EIF2A: variants seen among roughly 807,000 people sequenced by gnomAD.
EIF2A encodes 65 kDa eukaryotic translation initiation factor 2A.
A neutral mutation model predicts 75.2 loss-of-function variants in EIF2A; 62 were observed. The observed-to-expected ratio is 0.82, with a 90% CI of 0.67 to 1.02. The LOEUF is 1.02. EIF2A is among the 50% of genes least tolerant of loss of function. The probability of loss-of-function intolerance (pLI) is 0.00; values close to 1 mark genes in which losing one functional copy is unlikely to be tolerated. For synonymous variants in EIF2A, 207 were observed against 239.0 expected, an observed-to-expected ratio of 0.87 and a Z score of 1.23; for missense variants, 611 against 677.7, an observed-to-expected ratio of 0.90 and a Z score of 1.09.
intron 2 of EIF2A, among the ~76,000 whole-genome samples, chr3:150,557,970 A>T (rs1287297301): frequency 6.6e-6 from 1 of 152,206 alleles, no homozygotes; most frequent in Non-Finnish European, 1.5e-5. Flanking sequence ...ATTCATTATC[A>T]CTGGGTGATG....
chr3:150,572,518 A>G lies in EIF2A; in HGVS notation c.1372A>G (p.Asn458Asp), dbSNP rs1724595755. The change falls in exon 10 of 14, where the codon AAT (asparagine) becomes GAT (aspartate). Residue 458 changes from asparagine to aspartate, a missense_variant. By Grantham distance (23) the Asn-to-Asp change is conservative. Transcript: ENST00000460851. ...PPALRNKPIT[N>D]SKLHEEEPPQ... is the part of the protein sequence containing the mutation. ...AGCTTTAAGAAATAAACCAATCACC[A>G]ATTCCAAATTGGTAAGTAAAGTTTT... is the stretch of plus-strand genomic sequence containing the variant. 1 of 1,599,820 alleles carries G rather than the reference A, an allele frequency of 6.3e-7. No individual in the cohort carries two copies. Among genetic ancestry groups the G allele is most frequent in the South Asian group, 1.1e-5 (1 of 88,744 alleles).
Position 150,555,554 on chromosome 3 carries a change from G to A in EIF2A, c.99-2834G>A, listed in dbSNP as rs556970487. ...ATTACAGGTGTGAGCCACCACACCC[G>A]GCCATGTATGCACATTAATGTTTGA... On this transcript the variant is annotated intron_variant, in intron 2 of 13. Coordinates refer to ENST00000460851, the MANE Select transcript of EIF2A (RefSeq NM_032025.5). Among the ~76,000 whole-genome samples the A allele has an allele frequency of 1.0e-4, 15 of 149,092 alleles. 1 individual carries two copies. The South Asian group carries it at 2.3e-3, about 23-fold the overall frequency.
chr3:150,570,562 T>A, intron 9 of EIF2A, among the ~76,000 whole-genome samples: 1 of 145,394 alleles, frequency 6.9e-6, no homozygotes, highest in Non-Finnish European at 1.5e-5. Flanking sequence ...TGAGACCATC[T>A]CTTTAAAAAA....
chr3:150,550,584 C>G (rs1401296874), intron 1 of EIF2A, among the ~76,000 whole-genome samples: 1 of 152,176 alleles, frequency 6.6e-6, no homozygotes, highest in African/African-American at 2.4e-5. Flanking sequence ...AGGTGGCTTA[C>G]AGCTGTAATC....
intron 3 of EIF2A, among the ~76,000 whole-genome samples, chr3:150,561,092 T>C (rs540755858): frequency 6.6e-6 from 1 of 152,280 alleles, no homozygotes; most frequent in East Asian, 1.9e-4. Flanking sequence ...GTCTCCTTAC[T>C]GATTTCCCTA....
intron 11 of EIF2A, among the ~76,000 whole-genome samples, chr3:150,577,400 A>G (rs907089983): frequency 2.0e-5 from 3 of 152,102 alleles, no homozygotes; most frequent in African/African-American, 7.2e-5. Context: ...GCTGGAGTGC[A>G]GAGGCATGAT....
chr3:150,556,525 G>A (rs1013806787), intron 2 of EIF2A, among the ~76,000 whole-genome samples: 2 of 152,154 alleles, frequency 1.3e-5, no homozygotes, highest in South Asian at 2.1e-4. Context: ...ATACTCACTG[G>A]TTAGAGATGC....
chr3:150,574,380 T>C (rs1241905873), intron 10 of EIF2A, among the ~76,000 whole-genome samples: 1 of 152,200 alleles, frequency 6.6e-6, no homozygotes, highest in Non-Finnish European at 1.5e-5. Context: ...GACTTGTAAC[T>C]TATCTTTTCT....
intron 2 of EIF2A, among the ~76,000 whole-genome samples, chr3:150,556,366 T>A (rs923668169): frequency 6.6e-6 from 1 of 152,198 alleles, no homozygotes; most frequent in African/African-American, 2.4e-5. Flanking sequence ...TTTACATGAG[T>A]AGTTCTCAAA....
At chr3:150,578,673 G>T (rs1257382670) in intron 11 of EIF2A, among the ~76,000 whole-genome samples, 1 of 152,120 alleles carries the variant, frequency 6.6e-6, no homozygotes, top group Non-Finnish European at 1.5e-5. Flanking sequence ...TTTTTGAGTT[G>T]TTTTTCCAGT....
At chr3:150,569,324 CAG>C (rs1724368860) in intron 9 of EIF2A, among the ~76,000 whole-genome samples, 1 of 152,030 alleles carries the variant, frequency 6.6e-6, no homozygotes, top group Non-Finnish European at 1.5e-5. Context: ...TAAAACTCTT[CAG>C]AGAGACAAAC....
intron 6 of EIF2A, chr3:150,564,948 A>C (rs1216135166): frequency 1.1e-5 from 2 of 182,872 alleles, no homozygotes; most frequent in East Asian, 3.1e-4. Flanking sequence ...ACTAATTGCA[A>C]ATGTTACAAT....
At chr3:150,552,646 C>T in intron 2 of EIF2A, 2 of 371,246 alleles carry the variant, frequency 5.4e-6, no homozygotes, top group Non-Finnish European at 9.6e-6. Flanking sequence ...GTAGGGGGAA[C>T]AATACTAAGA....
intron 7 of EIF2A, 34 bp from the exon 8 acceptor site, chr3:150,567,868 A>G (rs1559880836): frequency 6.3e-7 from 1 of 1,579,948 alleles, no homozygotes; most frequent in Non-Finnish European, 8.6e-7. Flanking sequence ...ATTCTTCAAA[A>G]AATTAAGTAA....
intron 11 of EIF2A, among the ~76,000 whole-genome samples, chr3:150,576,502 T>C (rs1449036540): frequency 2.0e-5 from 3 of 152,218 alleles, no homozygotes; most frequent in Non-Finnish European, 4.4e-5. Flanking sequence ...TAGACTTAAA[T>C]AGGCAGAATA....
In EIF2A at chr3:150,568,288, A is replaced by G. The variant is rs778506109; in HGVS notation, c.807A>G (p.Gln269=). The stretch of plus-strand genomic sequence containing the variant: ...CAAATGGAGAAAGTGCTGTAGTGCA[A>G]TTACGTGAGTATTCCAGCAGTCTTC... ...IATNGESAVV[Q]LPKNGPIYDV... Residue 269 remains glutamine, a synonymous_variant, in exon 9 of 14, where the codon CAA becomes CAG. Transcript: ENST00000460851. 6 of 1,607,832 alleles carry G rather than the reference A, an allele frequency of 3.7e-6. No homozygotes were observed. The African/African-American group carries it at 4.0e-5, about 11-fold the overall frequency.
intron 1 of EIF2A, chr3:150,547,207 T>G: frequency 3.8e-6 from 1 of 261,452 alleles, no homozygotes; most frequent in South Asian, 4.4e-5. Flanking sequence ...AAACATGAGT[T>G]AGTCCTCTAG....
At chr3:150,570,102 G>A (rs1724420647) in intron 9 of EIF2A, among the ~76,000 whole-genome samples, 1 of 152,064 alleles carries the variant, frequency 6.6e-6, no homozygotes, top group Non-Finnish European at 1.5e-5. Context: ...AGACTGCAGA[G>A]GAATTAGAAG....
intron 1 of EIF2A, among the ~76,000 whole-genome samples, chr3:150,550,196 C>G (rs1377944282): frequency 6.6e-6 from 1 of 151,982 alleles, no homozygotes; most frequent in Non-Finnish European, 1.5e-5. Context: ...ATTGCCAATC[C>G]CATTTGATTG....
Sources: allele counts gnomAD v4.1 joint callset (sites outside exome capture counted in the v4.1 genomes callset), GRCh38; gene constraint gnomAD v4.1.1; transcripts MANE v1.5; gene names NCBI Gene and HGNC (gene_info 2026-07-23, HGNC 2026-07-21).